CACNA2D1: variants seen among roughly 807,000 people sequenced by gnomAD.
CACNA2D1 encodes the protein voltage-dependent calcium channel subunit alpha-2/delta-1.
A neutral mutation model predicts 171.5 loss-of-function variants in CACNA2D1; 53 were observed. The observed-to-expected ratio is 0.31, with a 90% CI of 0.25 to 0.39. The LOEUF (loss-of-function observed/expected upper bound fraction) is 0.39, where lower values mean the gene tolerates loss of function less well. Among genes scored for constraint, CACNA2D1 ranks in the 10% least tolerant of loss-of-function variants. The pLI is 1.00. For missense variants in CACNA2D1, 903 were observed against 1,299.8 expected (o/e 0.69, Z 4.69); for synonymous variants, 442 against 443.1 (o/e 1.00, Z 0.03).
chr7:82,036,230 A>G (rs1009742532), intron 11 of CACNA2D1, among the ~76,000 whole-genome samples: 7 of 152,088 alleles, frequency 4.6e-5, no homozygotes, highest in African/African-American at 1.7e-4. Flanking sequence ...CAGCATCTCT[A>G]CGAATACCTT....
intron 4 of CACNA2D1, among the ~76,000 whole-genome samples, chr7:82,148,545 T>C (rs1192069863): frequency 6.6e-6 from 1 of 152,204 alleles, no homozygotes; most frequent in African/African-American, 2.4e-5. Flanking sequence ...TAAAGACTTT[T>C]CATTATTAAG....
intron 21 of CACNA2D1, among the ~76,000 whole-genome samples, chr7:81,990,751 A>G (rs545725999): frequency 1.3e-5 from 2 of 152,304 alleles, no homozygotes; most frequent in East Asian, 3.9e-4. Flanking sequence ...AATGGGAGGA[A>G]TCACAATATT....
At chr7:82,198,794 G>A (rs1799108639) in intron 3 of CACNA2D1, among the ~76,000 whole-genome samples, 1 of 151,882 alleles carries the variant, frequency 6.6e-6, no homozygotes, top group South Asian at 2.1e-4. Flanking sequence ...TGCTGCTCCA[G>A]TTAAAGCGAG....
At chr7:82,339,921 C>CA (rs1315032159) in intron 2 of CACNA2D1, among the ~76,000 whole-genome samples, 1 of 152,108 alleles carries the variant, frequency 6.6e-6, no homozygotes, top group Non-Finnish European at 1.5e-5. Context: ...CCTAGATAGT[C>CA]AGAGTTAGCC....
At chr7:82,398,426 A>C (rs903578644) in intron 1 of CACNA2D1, among the ~76,000 whole-genome samples, 5 of 152,228 alleles carry the variant, frequency 3.3e-5, no homozygotes, top group African/African-American at 1.2e-4. Flanking sequence ...TGGTGAGTAA[A>C]TACATATGTG....
At chr7:82,002,042 A>AAAG (rs1345439249) in intron 18 of CACNA2D1, among the ~76,000 whole-genome samples, 11 of 140,852 alleles carry the variant, frequency 7.8e-5, no homozygotes, top group South Asian at 6.6e-4. Flanking sequence ...AAAAAAAAAA[A>AAAG]AGAGAGAGAG....
At chr7:82,060,166 A>T (rs181914651) in intron 10 of CACNA2D1, among the ~76,000 whole-genome samples, 2,364 of 9,534 alleles carry the variant, frequency 0.25, 402 homozygotes, top group East Asian at 0.4. Context: ...TATATATATA[A>T]TATATATATA....
chr7:82,398,336 A>T (rs1457128300), intron 1 of CACNA2D1, among the ~76,000 whole-genome samples: 1 of 152,236 alleles, frequency 6.6e-6, no homozygotes, highest in East Asian at 1.9e-4. Context: ...GACAAACATC[A>T]TTCCATTCAG....
intron 6 of CACNA2D1, among the ~76,000 whole-genome samples, chr7:82,094,398 T>C (rs759946142): frequency 6.6e-6 from 1 of 152,170 alleles, no homozygotes; most frequent in Non-Finnish European, 1.5e-5. Context: ...TGTCCACATA[T>C]ACATGTATGC....
chr7:82,396,408 A>G (rs977893822), intron 1 of CACNA2D1, among the ~76,000 whole-genome samples: 1 of 152,238 alleles, frequency 6.6e-6, no homozygotes, highest in Non-Finnish European at 1.5e-5. Context: ...GGAATTCCAG[A>G]TATAATCATA....
intron 9 of CACNA2D1, among the ~76,000 whole-genome samples, chr7:82,061,128 T>C (rs1262111631): frequency 2.0e-5 from 3 of 152,156 alleles, no homozygotes; most frequent in African/African-American, 7.2e-5. Context: ...CCCAACACTT[T>C]CCTGGTTTTA....
chr7:82,206,996 T>C (rs1306110816), intron 3 of CACNA2D1, among the ~76,000 whole-genome samples: 2 of 152,204 alleles, frequency 1.3e-5, no homozygotes, highest in African/African-American at 2.4e-5. Flanking sequence ...AGTTATAAAA[T>C]TGCAAAAACT....
At chr7:82,092,159 G>A (rs952960813) in intron 6 of CACNA2D1, among the ~76,000 whole-genome samples, 3 of 152,106 alleles carry the variant, frequency 2.0e-5, no homozygotes, top group Admixed American at 6.6e-5. Flanking sequence ...CAATTAGAAT[G>A]TAAATCTGTT....
At chr7:82,263,276 T>A (rs970551833) in intron 3 of CACNA2D1, among the ~76,000 whole-genome samples, 3 of 151,622 alleles carry the variant, frequency 2.0e-5, no homozygotes, top group African/African-American at 7.3e-5. Flanking sequence ...GCCTGGCTGA[T>A]TTTTTTGTAT....
At chr7:82,208,388 G>A (rs1175666714) in intron 3 of CACNA2D1, among the ~76,000 whole-genome samples, 1 of 152,038 alleles carries the variant, frequency 6.6e-6, no homozygotes, top group Non-Finnish European at 1.5e-5. Context: ...TATTCAGGCT[G>A]ATTGTTCAAT....
intron 6 of CACNA2D1, among the ~76,000 whole-genome samples, chr7:82,094,253 T>A (rs1050438712): frequency 6.6e-6 from 1 of 151,578 alleles, no homozygotes; most frequent in Non-Finnish European, 1.5e-5. Context: ...AAAAAAAAAC[T>A]ATATACATCT....
At chr7:82,316,607 T>C (rs1815148062) in intron 3 of CACNA2D1, among the ~76,000 whole-genome samples, 1 of 152,202 alleles carries the variant, frequency 6.6e-6, no homozygotes, top group Non-Finnish European at 1.5e-5. Context: ...GTAGCTAACA[T>C]ATAAATCAAA....
intron 1 of CACNA2D1, among the ~76,000 whole-genome samples, chr7:82,408,323 T>C (rs1827282885): frequency 6.6e-6 from 1 of 152,116 alleles, no homozygotes; most frequent in Admixed American, 6.6e-5. Flanking sequence ...TGCCTGGCCT[T>C]TCCTTTTACT....
At chr7:82,236,806 C>T (rs1483735338) in intron 3 of CACNA2D1, among the ~76,000 whole-genome samples, 1 of 151,958 alleles carries the variant, frequency 6.6e-6, no homozygotes, top group Non-Finnish European at 1.5e-5. Flanking sequence ...AATATTTCCT[C>T]ACTTACGGCA....
Sources: gnomAD v4.1 joint callset for allele counts (sites outside exome capture counted in the v4.1 genomes callset) on GRCh38, gnomAD v4.1.1 for gene constraint, MANE v1.5 for transcripts, NCBI Gene and HGNC (gene_info 2026-07-23, HGNC 2026-07-21) for gene names.